Variants in SHROOM2 observed in about 807,000 individuals in gnomAD.
SHROOM2 encodes shroom family member 2, also known as protein Shroom2.
SHROOM2 carries 33 observed loss-of-function variants against 75.9 expected under a neutral mutation model. The ratio of observed to expected loss-of-function variants is 0.43; its 90% CI spans 0.33 to 0.58. The LOEUF is 0.58. Ranked by LOEUF, SHROOM2 falls within the 20% of genes least tolerant of loss-of-function variation. The pLI is 0.04. For missense variants in SHROOM2, 1,434 were observed against 1,461.2 expected (o/e 0.98, Z 0.30); for synonymous variants, 655 against 663.6 (o/e 0.99, Z 0.20).
intron 1 of SHROOM2, among the ~76,000 whole-genome samples, chrX:9,842,319 G>T (rs1241917730): frequency 1.8e-5 from 2 of 112,490 alleles, no homozygotes; most frequent in East Asian, 2.8e-4. Context: ...ATAATCCCAA[G>T]GTGTTGATAT....
chrX:9,934,073 C>T (rs982221066), intron 6 of SHROOM2, among the ~76,000 whole-genome samples: 16 of 111,628 alleles, frequency 1.4e-4, no homozygotes, highest in Middle Eastern at 4.6e-3. Flanking sequence ...GAGCATTGTC[C>T]GACCGCAGAT....
chrX:9,918,565 T>G (rs1196945765), intron 5 of SHROOM2, among the ~76,000 whole-genome samples: 1 of 111,981 alleles, frequency 8.9e-6, no homozygotes, highest in East Asian at 2.8e-4. Flanking sequence ...CACTGCAGCC[T>G]CAAACTCCCA....
At chrX:9,886,738 C>T (rs2084263174) in intron 2 of SHROOM2, among the ~76,000 whole-genome samples, 1 of 111,249 alleles carries the variant, frequency 9.0e-6, no homozygotes, top group Non-Finnish European at 1.9e-5. Context: ...AGCATACCAT[C>T]CCCAAGGTTC....
At chrX:9,892,283 A>G (rs912139957) in intron 3 of SHROOM2, among the ~76,000 whole-genome samples, 1 of 109,261 alleles carries the variant, frequency 9.2e-6, no homozygotes, top group African/African-American at 3.3e-5. Context: ...AAAGAAAAAA[A>G]AATACTGGTC....
rs745356587 is a variant in SHROOM2 at position 9,937,527 on chromosome X, T to G, written c.3981T>G (p.Asp1327Glu). ...EELAREIVGK[D>E]KSLADILDPS... ...TGGCCAGGGAGATCGTGGGGAAGGA[T>G]AAGTCCCTGGCCGACATCCTGGATC... The change falls in exon 7 of 10, where the codon GAT becomes GAG. Residue 1327 changes from aspartate to glutamate, a missense_variant. Coordinates refer to ENST00000380913, the MANE Select transcript of SHROOM2 (RefSeq NM_001649.4). The G allele has an allele frequency of 8.3e-7, 1 of 1,211,680 alleles. No homozygotes were observed.
At chrX:9,841,233 G>A (rs2083977850) in intron 1 of SHROOM2, among the ~76,000 whole-genome samples, 1 of 101,401 alleles carries the variant, frequency 9.9e-6, no homozygotes, top group Admixed American at 1.2e-4. Flanking sequence ...TGGGATTATA[G>A]GCATTAGCCA....
intron 6 of SHROOM2, among the ~76,000 whole-genome samples, chrX:9,935,232 G>C (rs997674569): frequency 6.3e-5 from 7 of 111,423 alleles, no homozygotes; most frequent in African/African-American, 2.0e-4. Context: ...CGGGAGCCGG[G>C]GGGGCGGGGG....
chrX:9,836,294 G>C (rs755737867), intron 1 of SHROOM2, among the ~76,000 whole-genome samples: 129 of 112,022 alleles, frequency 1.2e-3, no homozygotes, highest in Non-Finnish European at 1.9e-3. Flanking sequence ...GGGAACCCCT[G>C]GCAGCATAGT....
chrX:9,924,948 G>C (rs1477788503), intron 5 of SHROOM2, among the ~76,000 whole-genome samples: 1 of 111,588 alleles, frequency 9.0e-6, no homozygotes, highest in Non-Finnish European at 1.9e-5. Context: ...GAGCCACTGT[G>C]CTCAGCCTGG....
chrX:9,868,393 G>A (rs892914831), intron 1 of SHROOM2, among the ~76,000 whole-genome samples: 23 of 109,169 alleles, frequency 2.1e-4, no homozygotes, highest in African/African-American at 3.7e-4. Context: ...TTACAGGAGC[G>A]TGCCACCAAG....
rs750519708 is a variant in SHROOM2, at chrX:9,895,095, G to C, written c.1187G>C (p.Ser396Thr). The change falls in exon 4 of 10, where the codon AGC (serine) becomes ACC (threonine). Residue 396 changes from serine to threonine, a missense_variant. This residue lies in a region of SHROOM2 where 1,340 missense variants were observed against 1,338.3 expected (regional missense o/e 1.00). Coordinates refer to ENST00000380913, the MANE Select transcript of SHROOM2 (RefSeq NM_001649.4). ...GCPQEAHADG[S>T]WPPSKDGASS... The stretch of plus-strand genomic sequence containing the variant: ...CCACAGGAGGCCCACGCAGACGGCA[G>C]CTGGCCGCCCTCCAAGGATGGAGCT... 2 of 1,209,000 alleles carry C rather than the reference G, an allele frequency of 1.7e-6. No individual in the cohort carries two copies. The highest frequency in any genetic ancestry group is 3.5e-5 in the South Asian group (2 of 56,681).
intron 5 of SHROOM2, among the ~76,000 whole-genome samples, chrX:9,900,026 T>TGTGA (rs1187995014): frequency 9.0e-6 from 1 of 111,511 alleles, no homozygotes; most frequent in Admixed American, 9.5e-5. Flanking sequence ...GCAGGCTGTG[T>TGTGA]GTGAGTGAGT....
chrX:9,796,924 T>A (rs2083697938), intron 1 of SHROOM2, among the ~76,000 whole-genome samples: 1 of 112,093 alleles, frequency 8.9e-6, no homozygotes, highest in South Asian at 3.7e-4. Flanking sequence ...AGATTACTGA[T>A]GTGAGCCACT....
chrX:9,841,356 A>G (rs921184781), intron 1 of SHROOM2, among the ~76,000 whole-genome samples: 2 of 112,090 alleles, frequency 1.8e-5, no homozygotes, highest in Non-Finnish European at 3.8e-5. Context: ...AAAATATTGT[A>G]GAAGATAAGT....
At chrX:9,797,750 G>A in intron 1 of SHROOM2, among the ~76,000 whole-genome samples, 1 of 112,214 alleles carries the variant, frequency 8.9e-6, no homozygotes, top group Middle Eastern at 4.6e-3. Flanking sequence ...GGGGCAGGAG[G>A]CCGGGAGAAT....
rs1375873050 is a variant in SHROOM2 at position 9,944,757 on chromosome X, G to A, written c.4428G>A (p.Val1476=). The A allele has an allele frequency of 3.1e-5, 38 of 1,212,481 alleles. No homozygotes were observed. Among genetic ancestry groups the A allele is most frequent in the Non-Finnish European group, 4.2e-5 (38 of 895,676 alleles). Reference sequence around the variant, plus strand: ...TGGGGGCCGAGGTGGAGGCCATCGTGAAAGGCGTCTGCAAGCCCAGCGAGT... The same window carrying A: ...TGGGGGCCGAGGTGGAGGCCATCGTAAAAGGCGTCTGCAAGCCCAGCGAGT... ...TVLGAEVEAI[V]KGVCKPSEFD... Residue 1476 remains valine (V), a synonymous_variant, in exon 9 of 10, where the codon GTG becomes GTA. Coordinates refer to ENST00000380913, the MANE Select transcript of SHROOM2 (RefSeq NM_001649.4).
intron 7 of SHROOM2, 78 bp downstream of exon 7, chrX:9,937,763 C>A: frequency 1.1e-6 from 1 of 896,075 alleles, no homozygotes. Flanking sequence ...GGGGGTCTGC[C>A]TCTCTGTTTT....
At chrX:9,929,160 C>T (rs1250764755) in intron 5 of SHROOM2, among the ~76,000 whole-genome samples, 2 of 112,306 alleles carry the variant, frequency 1.8e-5, no homozygotes, top group East Asian at 5.6e-4. Context: ...CCCAGCAAGT[C>T]CCCAATCCCC....
intron 1 of SHROOM2, among the ~76,000 whole-genome samples, chrX:9,793,236 AC>A (rs2083677090): frequency 9.0e-6 from 1 of 110,662 alleles, no homozygotes; most frequent in South Asian, 3.8e-4. Context: ...TATTGCTGCA[AC>A]TTTTGTTTAT....
Sources: gnomAD v4.1 joint callset for allele counts (sites outside exome capture counted in the v4.1 genomes callset) on GRCh38, gnomAD v4.1.1 for gene constraint, gnomAD v4.1.1 regional missense constraint, MANE v1.5 for transcripts, NCBI Gene and HGNC (gene_info 2026-07-23, HGNC 2026-07-21) for gene names.